The following ENTREP2 variants were observed in gnomAD, a reference collection of about 807,000 sequenced individuals.
The protein encoded by ENTREP2 is protein ENTREP2.
chr15:29,289,583 C>T, the ENTREP2 span, among the ~76,000 whole-genome samples: 2 of 152,096 alleles, frequency 1.3e-5, no homozygotes, highest in Admixed American at 6.5e-5. Context: ...TGGTGGCTCA[C>T]GTCTGTAATC....
chr15:29,603,728 G>A, the ENTREP2 span, among the ~76,000 whole-genome samples: 36 of 151,920 alleles, frequency 2.4e-4, no homozygotes, highest in Non-Finnish European at 4.4e-4. Flanking sequence ...AACCTCCGCC[G>A]CCCGGGTTCA....
At chr15:29,362,367 CTTTTTTTTTTTTT>C in the ENTREP2 span, among the ~76,000 whole-genome samples, 457 of 91,534 alleles carry the variant, frequency 5.0e-3, 6 homozygotes, top group African/African-American at 0.02. Flanking sequence ...TGTTTTTAAT[CTTTTTTTTTTTTT>C]TTTTTTTTTT....
At chr15:29,473,520 C>A in the ENTREP2 span, among the ~76,000 whole-genome samples, 1 of 152,170 alleles carries the variant, frequency 6.6e-6, no homozygotes, top group South Asian at 2.1e-4. Context: ...TAAGTGTTAT[C>A]AAATAAACAT....
chr15:29,539,862 C>A, the ENTREP2 span, among the ~76,000 whole-genome samples: 1 of 152,136 alleles, frequency 6.6e-6, no homozygotes, highest in African/African-American at 2.4e-5. Flanking sequence ...GGATGACACT[C>A]CAAGCCAAGC....
At chr15:29,259,039 C>A in the ENTREP2 span, among the ~76,000 whole-genome samples, 1 of 152,208 alleles carries the variant, frequency 6.6e-6, no homozygotes, top group African/African-American at 2.4e-5. Context: ...ACTCTGGAAG[C>A]TGGCTGAACA....
the ENTREP2 span, among the ~76,000 whole-genome samples, chr15:29,223,862 G>T: frequency 6.6e-6 from 1 of 152,170 alleles, no homozygotes; most frequent in Admixed American, 6.5e-5. Context: ...CTCTGGAGAG[G>T]GCTCAGCTGA....
At chr15:29,421,574 A>G in the ENTREP2 span, among the ~76,000 whole-genome samples, 1 of 152,222 alleles carries the variant, frequency 6.6e-6, no homozygotes, top group Non-Finnish European at 1.5e-5. Context: ...TTTTTAAACT[A>G]TGTTTTCATT....
the ENTREP2 span, among the ~76,000 whole-genome samples, chr15:29,635,338 T>C: frequency 6.6e-6 from 1 of 152,102 alleles, no homozygotes; most frequent in African/African-American, 2.4e-5. Flanking sequence ...AAGACATCAC[T>C]GTGTAGTTGC....
chr15:29,294,975 G>GC, the ENTREP2 span, among the ~76,000 whole-genome samples: 2 of 152,308 alleles, frequency 1.3e-5, no homozygotes, highest in Non-Finnish European at 1.5e-5. Flanking sequence ...TGTCGGTGCT[G>GC]CAAGGATGGA....
the ENTREP2 span, among the ~76,000 whole-genome samples, chr15:29,384,442 G>A: frequency 2.6e-5 from 4 of 152,042 alleles, no homozygotes; most frequent in South Asian, 6.2e-4. Context: ...TTGTCCACTC[G>A]CTCTTGTCTC....
chr15:29,270,020 G>C, the ENTREP2 span, among the ~76,000 whole-genome samples: 1 of 152,138 alleles, frequency 6.6e-6, no homozygotes, highest in Non-Finnish European at 1.5e-5. Flanking sequence ...CAAGTGTGTC[G>C]CTAAATTCAG....
At chr15:29,476,092 T>C in the ENTREP2 span, among the ~76,000 whole-genome samples, 1 of 152,208 alleles carries the variant, frequency 6.6e-6, no homozygotes, top group South Asian at 2.1e-4. Context: ...AATACACACA[T>C]ATACATTTTA....
chr15:29,573,538 A>G, the ENTREP2 span, among the ~76,000 whole-genome samples: 1 of 152,226 alleles, frequency 6.6e-6, no homozygotes, highest in East Asian at 1.9e-4. Context: ...TACTTTCCCC[A>G]TAATGGTTAA....
chr15:29,133,575 C>T, the ENTREP2 span, among the ~76,000 whole-genome samples: 1 of 152,192 alleles, frequency 6.6e-6, no homozygotes, highest in Non-Finnish European at 1.5e-5. Flanking sequence ...CGCCACGTGG[C>T]CCTGGATGTT....
chr15:29,622,003 C>G, the ENTREP2 span, among the ~76,000 whole-genome samples: 1 of 152,048 alleles, frequency 6.6e-6, no homozygotes, highest in Non-Finnish European at 1.5e-5. Flanking sequence ...ATATGAGGTG[C>G]CTAGACTCAT....
At chr15:29,347,675 G>C in the ENTREP2 span, among the ~76,000 whole-genome samples, 1 of 152,126 alleles carries the variant, frequency 6.6e-6, no homozygotes, top group Non-Finnish European at 1.5e-5. Flanking sequence ...GCTAGGAAAC[G>C]ATGGACCAAA....
the ENTREP2 span, among the ~76,000 whole-genome samples, chr15:29,332,766 C>T: frequency 6.6e-6 from 1 of 151,934 alleles, no homozygotes; most frequent in Non-Finnish European, 1.5e-5. Context: ...TCAAGATGAG[C>T]CTGACCAACA....
the ENTREP2 span, chr15:29,123,381 C>T: frequency 2.6e-6 from 4 of 1,545,668 alleles, no homozygotes; most frequent in South Asian, 3.6e-5. Flanking sequence ...CGGCCTCCTC[C>T]TCGAGGCGCT....
At chr15:29,531,725 G>A in the ENTREP2 span, among the ~76,000 whole-genome samples, 1 of 152,196 alleles carries the variant, frequency 6.6e-6, no homozygotes, top group Non-Finnish European at 1.5e-5. Flanking sequence ...CAGCGCAGTG[G>A]CGCAATCTCG....
Sources: allele counts gnomAD v4.1 joint callset (sites outside exome capture counted in the v4.1 genomes callset), GRCh38; gene constraint gnomAD v4.1.1; transcripts MANE v1.5; gene names NCBI Gene and HGNC (gene_info 2026-07-23, HGNC 2026-07-21).